Variants in DMD observed in about 807,000 individuals in gnomAD.
DMD encodes the protein dystrophin, also known as mutant dystrophin.
DMD carries 63 observed loss-of-function variants against 330.1 expected under a neutral mutation model. The ratio of observed to expected loss-of-function variants is 0.19; its 90% confidence interval spans 0.16 to 0.24. The LOEUF (loss-of-function observed/expected upper bound fraction) is 0.24. Among genes scored for constraint, DMD ranks in the 10% least tolerant of loss-of-function variants. The pLI, the probability that DMD is intolerant of heterozygous loss-of-function variation, is 1.00. For synonymous variants in DMD, 1,223 were observed against 959.8 expected, an observed-to-expected ratio of 1.27 and a Z score of -5.07; for missense variants, 3,344 against 2,684.1, an observed-to-expected ratio of 1.25 and a Z score of -5.43.
At chrX:33,097,572 G>A (rs1212251396) in intron 1 of DMD, among the ~76,000 whole-genome samples, 1 of 106,013 alleles carries the variant, frequency 9.4e-6, no homozygotes, top group African/African-American at 3.4e-5. Flanking sequence ...GTCTTCTAAC[G>A]ATGTGTGTCC....
At chrX:33,236,701 T>C (rs1380668233) in intron 1 of DMD, among the ~76,000 whole-genome samples, 1 of 110,891 alleles carries the variant, frequency 9.0e-6, no homozygotes, top group African/African-American at 3.3e-5. Context: ...CAGAAGCTTT[T>C]TGCTTTATTT....
At chrX:31,197,842 G>A (rs1332874022) in intron 67 of DMD, among the ~76,000 whole-genome samples, 2 of 110,763 alleles carry the variant, frequency 1.8e-5, no homozygotes, top group African/African-American at 6.6e-5. Flanking sequence ...CAACCTAAGC[G>A]CCCATCAGTG....
intron 47 of DMD, among the ~76,000 whole-genome samples, chrX:31,908,249 T>C (rs933088401): frequency 2.7e-5 from 3 of 111,958 alleles, no homozygotes; most frequent in African/African-American, 9.8e-5. Context: ...CATGCTGCTA[T>C]AAAGACACAT....
At chrX:31,778,661 C>T (rs751286110) in intron 50 of DMD, among the ~76,000 whole-genome samples, 1 of 101,904 alleles carries the variant, frequency 9.8e-6, no homozygotes, top group Non-Finnish European at 2.0e-5. Context: ...ATCTCTGCCT[C>T]GCGGGTTCAA....
chrX:31,675,021 A>G (rs2082000588), intron 53 of DMD, among the ~76,000 whole-genome samples: 1 of 112,682 alleles, frequency 8.9e-6, no homozygotes, highest in Non-Finnish European at 1.9e-5. Flanking sequence ...TTCTATCTCA[A>G]AAGAACTTTA....
chrX:33,196,948 C>T (rs765585770), intron 1 of DMD, among the ~76,000 whole-genome samples: 4 of 111,389 alleles, frequency 3.6e-5, no homozygotes, highest in African/African-American at 1.3e-4. Flanking sequence ...TAACTTCTAG[C>T]GCTTGTCATA....
chrX:31,157,516 C>A (rs2038284684), intron 74 of DMD, among the ~76,000 whole-genome samples: 1 of 111,763 alleles, frequency 8.9e-6, no homozygotes, highest in Admixed American at 9.5e-5. Flanking sequence ...AGGAATACTG[C>A]CATTGGGAAA....
chrX:33,273,982 A>G (rs2053198540), intron 1 of DMD, among the ~76,000 whole-genome samples: 1 of 112,466 alleles, frequency 8.9e-6, no homozygotes, highest in South Asian at 3.6e-4. Context: ...TCTCATTATG[A>G]TAATTCAGTG....
At chrX:32,272,917 A>T (rs1233718582) in intron 43 of DMD, among the ~76,000 whole-genome samples, 1 of 106,611 alleles carries the variant, frequency 9.4e-6, no homozygotes, top group Non-Finnish European at 1.9e-5. Context: ...AAACTTGCTA[A>T]TTAAATTTAG....
At chrX:33,073,872 T>TAAAC (rs1557248852) in intron 1 of DMD, among the ~76,000 whole-genome samples, 94 of 102,369 alleles carry the variant, frequency 9.2e-4, no homozygotes, top group South Asian at 2.5e-3. Flanking sequence ...AATAAATAAA[T>TAAAC]AAACAGCTAA....
intron 32 of DMD, 132 bp downstream of exon 32, chrX:32,389,369 G>A (rs1436617702): frequency 1.4e-5 from 10 of 732,501 alleles, no homozygotes; most frequent in Non-Finnish European, 1.8e-5. Flanking sequence ...GCCAATTTTT[G>A]TTCTCAATCT....
rs767856598 is a variant in DMD at position 32,195,276 on chromosome X, G to A, written c.6438+21640C>T. On this transcript the variant is annotated intron_variant, in intron 44 of 78. Coordinates refer to ENST00000357033, the MANE Select transcript of DMD (RefSeq NM_004006.3). Reference sequence around the variant, plus strand: ...AAATGTCAAAGCTGCATGTGCGGCAGCCAATGAATTGTGTCATATGCTCAG... The same window carrying A: ...AAATGTCAAAGCTGCATGTGCGGCAACCAATGAATTGTGTCATATGCTCAG... 4.4e-4 allele frequency among the ~76,000 whole-genome samples: 49 copies of A among 111,026 alleles called. 1 individual carries two copies. The highest frequency in any genetic ancestry group is 2.3e-4 in the Non-Finnish European group (12 of 53,037).
chrX:32,887,745 C>CAAAAAAAAAAAAAAA (rs771100080), intron 2 of DMD, among the ~76,000 whole-genome samples: 4 of 6,493 alleles, frequency 6.2e-4, no homozygotes, highest in African/African-American at 1.3e-3. Context: ...AAGACTGTCT[C>CAAAAAAAAAAAAAAA]AAAAAAAAAA....
chrX:32,327,021 C>T (rs2097654168), intron 41 of DMD, among the ~76,000 whole-genome samples: 1 of 108,888 alleles, frequency 9.2e-6, no homozygotes, highest in African/African-American at 3.3e-5. Flanking sequence ...TCTCTGTCTC[C>T]CTTCCTCCAT....
At chrX:31,905,974 A>G (rs779632839) in intron 47 of DMD, among the ~76,000 whole-genome samples, 2 of 111,954 alleles carry the variant, frequency 1.8e-5, no homozygotes, top group Non-Finnish European at 3.8e-5. Flanking sequence ...TCGAAACTCT[A>G]TGATATGGTT....
chrX:32,509,733 AAC>A (rs2045080829), intron 18 of DMD, among the ~76,000 whole-genome samples: 1 of 111,796 alleles, frequency 8.9e-6, no homozygotes, highest in South Asian at 3.8e-4. Flanking sequence ...GTACTACTTG[AAC>A]ACAGTTTTCC....
In DMD at chrX:33,079,607, T is replaced by C. The variant is rs759281553; in HGVS notation, c.32-59407A>G. ...GACAATGTTTCCTGTATGATTTTTA[T>C]GCAAAATACGCCAAATGTCATTTTT... On this transcript the variant is annotated intron_variant, in intron 1 of 78. Coordinates refer to ENST00000357033, the MANE Select transcript of DMD (RefSeq NM_004006.3). Among the ~76,000 whole-genome samples, 27 of 111,824 alleles carry C rather than the reference T, an allele frequency of 2.4e-4. 1 individual carries two copies. The South Asian group carries it at 0.01, about 42-fold the overall frequency.
intron 1 of DMD, among the ~76,000 whole-genome samples, chrX:33,039,481 T>A (rs16990868): frequency 0.057 from 6,327 of 110,744 alleles, 446 homozygotes; most frequent in African/African-American, 0.2. Context: ...ACAAATGGAT[T>A]CTGAATATAC....
rs1409033219 is a variant in DMD at position 32,252,773 on chromosome X, A to AATATATATATAAATATATATAAAT, written c.6290+34755_6290+34756insATTTATATATATTTATATATATAT. On this transcript the variant is annotated intron_variant, in intron 43 of 78. Coordinates refer to ENST00000357033, the MANE Select transcript of DMD (RefSeq NM_004006.3). ...ATATATAAATATATAAATATATATA[A>AATATATATATAAATATATATAAAT]ATATATATAAATATATATAAATATA... 7.8e-4 allele frequency among the ~76,000 whole-genome samples: 28 copies of AATATATATATAAATATATATAAAT among 35,840 alleles called. 1 individual carries two copies. The highest frequency in any genetic ancestry group is 1.2e-3 in the Non-Finnish European group (27 of 23,434). 31.1% of individuals were successfully genotyped at this position (35,840 alleles called of 115,157 possible).
Sources: gnomAD v4.1 joint callset for allele counts (sites outside exome capture counted in the v4.1 genomes callset) on GRCh38, gnomAD v4.1.1 for gene constraint, MANE v1.5 for transcripts, NCBI Gene and HGNC (gene_info 2026-07-23, HGNC 2026-07-21) for gene names.